NLGN1: variants seen among roughly 807,000 people sequenced by gnomAD.
NLGN1 encodes the protein neuroligin 1.
NLGN1 carries 12 observed loss-of-function variants against 65.5 expected under a neutral mutation model. The observed-to-expected ratio is 0.18, with a 90% CI of 0.12 to 0.30. NLGN1 has a LOEUF of 0.30. NLGN1 is among the 10% of genes least tolerant of loss of function. The pLI, the probability that NLGN1 is intolerant of heterozygous loss-of-function variation, is 1.00. For missense variants in NLGN1, 750 were observed against 1,007.1 expected (o/e 0.74, Z 3.46); for synonymous variants, 350 against 359.5 (o/e 0.97, Z 0.30).
chr3:173,849,067 A>G (rs966224699), intron 4 of NLGN1, among the ~76,000 whole-genome samples: 2 of 152,156 alleles, frequency 1.3e-5, no homozygotes, highest in Non-Finnish European at 2.9e-5. Flanking sequence ...TGTACAGCTC[A>G]TTGTCAATTT....
chr3:173,617,140 C>T (rs78795243), intron 3 of NLGN1, among the ~76,000 whole-genome samples: 1 of 152,040 alleles, frequency 6.6e-6, no homozygotes, highest in East Asian at 1.9e-4. Context: ...TTTTATAATT[C>T]AAGTTTTGGA....
In NLGN1 at chr3:173,996,093, T is replaced by C. The variant is rs923253432; in HGVS notation, c.646+188261T>C. 1.8e-4 allele frequency among the ~76,000 whole-genome samples: 28 copies of C among 152,334 alleles called. No individual in the cohort carries two copies. In the South Asian group the frequency reaches 3.7e-3, roughly 20 times the overall value. Reference sequence around the variant, plus strand: ...TAGAGTATCAGTCTAAGCATTAATGTATTTCTTTGTTGCCATTTTTCAAAA... The same window carrying C: ...TAGAGTATCAGTCTAAGCATTAATGCATTTCTTTGTTGCCATTTTTCAAAA... On this transcript the variant is annotated intron_variant, in intron 4 of 6. Coordinates refer to ENST00000457714, the Ensembl canonical transcript of NLGN1.
At chr3:174,106,268 A>G (rs1476126577) in intron 4 of NLGN1, among the ~76,000 whole-genome samples, 3 of 152,128 alleles carry the variant, frequency 2.0e-5, no homozygotes, top group African/African-American at 7.2e-5. Flanking sequence ...AGAATATAGC[A>G]TTATGCCTGG....
upstream of NLGN1, chr3:173,398,184 G>C (rs1401943434): frequency 6.6e-6 from 1 of 152,190 alleles, no homozygotes; most frequent in Non-Finnish European, 1.5e-5. Context: ...CTGAACCCTC[G>C]GCGGAGCGCA....
At chr3:173,769,336 TG>T (rs1779240655) in intron 3 of NLGN1, among the ~76,000 whole-genome samples, 1 of 152,180 alleles carries the variant, frequency 6.6e-6, no homozygotes, top group Non-Finnish European at 1.5e-5. Context: ...CTTCCACCAT[TG>T]TGTGACTTCT....
At chr3:173,533,545 C>T (rs972441852) in intron 2 of NLGN1, among the ~76,000 whole-genome samples, 1 of 152,172 alleles carries the variant, frequency 6.6e-6, no homozygotes, top group Non-Finnish European at 1.5e-5. Flanking sequence ...GAAGTTCTCC[C>T]ATGGCTCTCT....
intron 4 of NLGN1, among the ~76,000 whole-genome samples, chr3:173,818,845 A>G (rs1719564115): frequency 6.9e-6 from 1 of 144,038 alleles, no homozygotes; most frequent in African/African-American, 2.6e-5. Context: ...ACAAAAAGAC[A>G]ATGAGGGCTT....
intron 2 of NLGN1, among the ~76,000 whole-genome samples, chr3:173,478,257 A>G (rs558507181): frequency 6.6e-6 from 1 of 152,202 alleles, no homozygotes; most frequent in African/African-American, 2.4e-5. Context: ...TTGCAGAGAC[A>G]TGGTTGGATC....
intron 4 of NLGN1, among the ~76,000 whole-genome samples, chr3:173,879,733 A>C (rs1488230150): frequency 1.3e-5 from 2 of 151,898 alleles, no homozygotes; most frequent in African/African-American, 4.8e-5. Flanking sequence ...AAATGTGTGG[A>C]GTCTTGAATC....
intron 2 of NLGN1, among the ~76,000 whole-genome samples, chr3:173,451,415 C>T (rs992897408): frequency 3.3e-5 from 5 of 152,148 alleles, no homozygotes; most frequent in African/African-American, 9.7e-5. Flanking sequence ...GATCGTTCCT[C>T]TGGAAGTTTT....
intron 1 of NLGN1, among the ~76,000 whole-genome samples, chr3:173,411,519 C>G (rs961303883): frequency 2.6e-5 from 4 of 152,042 alleles, no homozygotes; most frequent in African/African-American, 9.7e-5. Context: ...CTGTCAAGGT[C>G]CATTAGAAGT....
At chr3:173,451,407 T>A (rs1721492738) in intron 2 of NLGN1, among the ~76,000 whole-genome samples, 1 of 152,144 alleles carries the variant, frequency 6.6e-6, no homozygotes, top group South Asian at 2.1e-4. Flanking sequence ...TGCTGCCTGA[T>A]CGTTCCTCTG....
chr3:173,415,901 A>AGAGAGG, intron 1 of NLGN1, among the ~76,000 whole-genome samples: 1 of 133,748 alleles, frequency 7.5e-6, no homozygotes, highest in African/African-American at 3.4e-5. Flanking sequence ...ATATATATAT[A>AGAGAGG]TATAGAGAGA....
chr3:173,673,849 T>C (rs1412053349), intron 3 of NLGN1, among the ~76,000 whole-genome samples: 1 of 152,008 alleles, frequency 6.6e-6, no homozygotes, highest in East Asian at 1.9e-4. Flanking sequence ...TTATTGAAAA[T>C]GAAAGTACAC....
chr3:173,702,011 G>A (rs1767243389), intron 3 of NLGN1, among the ~76,000 whole-genome samples: 1 of 152,052 alleles, frequency 6.6e-6, no homozygotes. Context: ...AGGCCGAGGC[G>A]GGTGGATCAC....
At chr3:173,988,524 A>G (rs973439047) in intron 4 of NLGN1, among the ~76,000 whole-genome samples, 1 of 152,194 alleles carries the variant, frequency 6.6e-6, no homozygotes, top group Non-Finnish European at 1.5e-5. Flanking sequence ...CAGGTTGCTC[A>G]GACCTTAACA....
chr3:173,681,088 ATGAT>A (rs763942181), intron 3 of NLGN1, among the ~76,000 whole-genome samples: 4 of 152,208 alleles, frequency 2.6e-5, no homozygotes, highest in Non-Finnish European at 5.9e-5. Context: ...TATCAAATGC[ATGAT>A]GATTGGACTG....
At chr3:173,827,017 G>C (rs956387309) in intron 4 of NLGN1, among the ~76,000 whole-genome samples, 3 of 152,016 alleles carry the variant, frequency 2.0e-5, no homozygotes, top group Admixed American at 2.0e-4. Flanking sequence ...AGAGGAAGCT[G>C]GAAAATCTAC....
At chr3:173,747,801 C>CTTCTTCTTTTT (rs1775714048) in intron 3 of NLGN1, among the ~76,000 whole-genome samples, 19 of 64,418 alleles carry the variant, frequency 2.9e-4, no homozygotes, top group South Asian at 5.2e-4. Flanking sequence ...TCTTCTTGTT[C>CTTCTTCTTTTT]TTTTTTTTTT....
Sources: gnomAD v4.1 joint callset for allele counts (sites outside exome capture counted in the v4.1 genomes callset) on GRCh38, gnomAD v4.1.1 for gene constraint, MANE v1.5 for transcripts, NCBI Gene and HGNC (gene_info 2026-07-23, HGNC 2026-07-21) for gene names.